Variants in OPA1 observed in about 807,000 individuals in gnomAD.
OPA1 encodes dynamin-like GTPase OPA1, mitochondrial.
A neutral mutation model predicts 152.9 loss-of-function variants in OPA1; 59 were observed. The ratio of observed to expected loss-of-function variants is 0.39; its 90% CI spans 0.31 to 0.48. The LOEUF (loss-of-function observed/expected upper bound fraction) is 0.48, where lower values mean the gene tolerates loss of function less well. Among genes scored for constraint, OPA1 ranks in the 20% least tolerant of loss-of-function variants. OPA1 has a pLI of 0.96. For synonymous variants in OPA1, 400 were observed against 389.9 expected (o/e 1.03, Z -0.31); for missense variants, 1,008 against 1,216.8 (o/e 0.83, Z 2.55).
chr3:193,680,394 C>G (rs1163474586), intron 29 of OPA1, among the ~76,000 whole-genome samples: 1 of 152,168 alleles, frequency 6.6e-6, no homozygotes, highest in East Asian at 1.9e-4. Context: ...AAGAAAGACC[C>G]TTTCCAGGAC....
intron 29 of OPA1, among the ~76,000 whole-genome samples, chr3:193,680,427 G>C (rs1719947709): frequency 6.6e-6 from 1 of 152,116 alleles, no homozygotes; most frequent in Non-Finnish European, 1.5e-5. Context: ...TTACAATCTT[G>C]ACCTCTTTCT....
chr3:193,624,167 G>A lies in OPA1; in HGVS notation c.679-1925G>A, dbSNP rs995939964. 7 of 152,238 alleles carry A rather than the reference G, an allele frequency of 4.6e-5. No homozygotes were observed. In the South Asian group the frequency reaches 8.3e-4, roughly 18 times the overall value. The allele number at this position is 152,238 out of a possible 1,614,324, so 9.4% of individuals were successfully genotyped here. A position where few individuals can be genotyped will look rare whatever the true frequency, so the allele number is the denominator to read the frequency against. On this transcript the variant is annotated intron_variant, in intron 6 of 30. Coordinates refer to ENST00000361510, the MANE Select transcript of OPA1 (RefSeq NM_130837.3). ...AAAAAGCATTGTGTGCCTTATAGAC[G>A]CGAGTGAGAAATGTGGAATATGGCT...
At chr3:193,663,812 G>A (rs1288625203) in intron 26 of OPA1, among the ~76,000 whole-genome samples, 4 of 151,948 alleles carry the variant, frequency 2.6e-5, no homozygotes, top group Non-Finnish European at 5.9e-5. Context: ...AAAACTCAAA[G>A]CAGTTATATA....
rs780616109 is a variant in OPA1 at position 193,645,811 on chromosome 3, TG to T, written c.1754+12del. The T allele has an allele frequency of 1.8e-5, 29 of 1,588,390 alleles. No homozygotes were observed. Among genetic ancestry groups the T allele is most frequent in the Non-Finnish European group, 2.4e-5 (28 of 1,157,318 alleles). ...TTCAAAGCTCCTAAAGTAGGTATCTTGTTAAAACATTTAAACATTTTACAGT... is the reference window on the plus strand; with the variant it reads ...TTCAAAGCTCCTAAAGTAGGTATCTTTTAAAACATTTAAACATTTTACAGT... On this transcript the variant is annotated intron_variant, in intron 18 of 30. Coordinates refer to ENST00000361510, the MANE Select transcript of OPA1 (RefSeq NM_130837.3).
intron 29 of OPA1, among the ~76,000 whole-genome samples, chr3:193,677,786 G>A (rs1308800069): frequency 2.0e-5 from 3 of 152,146 alleles, no homozygotes; most frequent in Non-Finnish European, 4.4e-5. Context: ...CCTATTCATG[G>A]AAATGACGAA....
At position 193,668,976 on chromosome 3, in the gene OPA1, T is replaced by C. The variant is rs78534563; in HGVS notation, c.2983+1696T>C. On this transcript the variant is annotated intron_variant, in intron 29 of 30. Coordinates refer to ENST00000361510, the MANE Select transcript of OPA1 (RefSeq NM_130837.3). ...TGTTACAAGTTTCACTGACTTCAGC[T>C]TCGTGTAACAAAGTATCTTTTTCTT... 6,190 of 517,078 alleles carry C rather than the reference T, an allele frequency of 0.012. 409 individuals are homozygous for C. The African/African-American group carries it at 0.12, about 10-fold the overall frequency. 32.0% of individuals were successfully genotyped at this position (517,078 alleles called of 1,614,324 possible). A position where few individuals can be genotyped will look rare whatever the true frequency, so the allele number is the denominator to read the frequency against.
At chr3:193,594,081 T>TG (rs1379897376) in intron 1 of OPA1, among the ~76,000 whole-genome samples, 5 of 152,220 alleles carry the variant, frequency 3.3e-5, no homozygotes, top group African/African-American at 1.2e-4. Context: ...CAATCATTGT[T>TG]GCCCTGGGGT....
At chr3:193,633,207 A>T (rs1276050662) in intron 8 of OPA1, among the ~76,000 whole-genome samples, 1 of 152,220 alleles carries the variant, frequency 6.6e-6, no homozygotes, top group Non-Finnish European at 1.5e-5. Flanking sequence ...TTAGAAATGC[A>T]CATTCTTGAC....
chr3:193,661,192 C>G (rs2109213623), intron 25 of OPA1, among the ~76,000 whole-genome samples: 1 of 152,292 alleles, frequency 6.6e-6, no homozygotes, highest in Admixed American at 6.5e-5. Context: ...GTCTGTAAGC[C>G]TAGAAGAGGA....
At chr3:193,632,931 A>T (rs1331375200) in intron 8 of OPA1, among the ~76,000 whole-genome samples, 1 of 152,332 alleles carries the variant, frequency 6.6e-6, no homozygotes, top group South Asian at 2.1e-4. Flanking sequence ...AACGACTACA[A>T]GTTGAATATC....
chr3:193,675,580 A>G (rs1301897915), intron 29 of OPA1, among the ~76,000 whole-genome samples: 2 of 151,986 alleles, frequency 1.3e-5, no homozygotes, highest in African/African-American at 4.8e-5. Context: ...CTAACCCAGT[A>G]TTTTTATCCC....
At chr3:193,659,939 A>T (rs1714835592) in intron 25 of OPA1, among the ~76,000 whole-genome samples, 2 of 152,002 alleles carry the variant, frequency 1.3e-5, no homozygotes, top group Non-Finnish European at 2.9e-5. Context: ...TGAGTTAAGG[A>T]GTTCGAGACC....
rs1335569518 is a variant in OPA1, at chr3:193,593,346, C to T, written c.-32C>T. 1.3e-6 allele frequency: 2 copies of T among 1,540,484 alleles called. No individual in the cohort carries two copies. The highest frequency in any genetic ancestry group is 1.8e-6 in the Non-Finnish European group (2 of 1,141,986). ...CACACGGGGGCTCCCGCGTGGCCGT[C>T]TCGGCGCCTGCGTGACCTCCCCGCC... On this transcript the variant is annotated 5_prime_UTR_variant, in exon 1 of 31. Transcript: ENST00000361510.
rs76837465 is a variant in OPA1 at position 193,680,446 on chromosome 3, G to T, written c.2984-11617G>T. On this transcript the variant is annotated intron_variant, in intron 29 of 30. Transcript: ENST00000361510. ...AATCTTGACCTCTTTCTTATGCTGG[G>T]AACATGCATACAGCAGCACCTCCCA... 4.5e-3 allele frequency among the ~76,000 whole-genome samples: 682 copies of T among 152,286 alleles called. 5 individuals are homozygous for T. The highest frequency in any genetic ancestry group is 0.015 in the African/African-American group (641 of 41,566).
chr3:193,615,135 T>C (rs1728820784), intron 2 of OPA1, 94 bp downstream of exon 2: 4 of 972,752 alleles, frequency 4.1e-6, no homozygotes, highest in Non-Finnish European at 4.9e-6. Context: ...TACAATTGGA[T>C]GTTTAAACAT....
intron 1 of OPA1, among the ~76,000 whole-genome samples, chr3:193,596,415 CTT>C (rs1725599972): frequency 7.9e-6 from 1 of 126,784 alleles, no homozygotes. Flanking sequence ...CTTTTCTTTT[CTT>C]TTCTTTCACA....
At chr3:193,615,085 A>G in intron 2 of OPA1, 44 bp downstream of exon 2, 4 of 1,431,356 alleles carry the variant, frequency 2.8e-6, no homozygotes, top group Non-Finnish European at 3.9e-6. Flanking sequence ...TTATATCATG[A>G]TTAAGTTTCT....
chr3:193,602,625 G>A (rs1560309833), intron 1 of OPA1, among the ~76,000 whole-genome samples: 1 of 152,246 alleles, frequency 6.6e-6, no homozygotes, highest in South Asian at 2.1e-4. Context: ...AAACCAAAAG[G>A]TAGTACCTTT....
chr3:193,658,148 G>A (rs1037569772), intron 23 of OPA1, among the ~76,000 whole-genome samples: 4 of 151,836 alleles, frequency 2.6e-5, no homozygotes, highest in African/African-American at 7.3e-5. Context: ...GGGAGGCTGA[G>A]GCAGGAGAAT....
Sources: allele counts gnomAD v4.1 joint callset (sites outside exome capture counted in the v4.1 genomes callset), GRCh38; gene constraint gnomAD v4.1.1; transcripts MANE v1.5; gene names NCBI Gene and HGNC (gene_info 2026-07-23, HGNC 2026-07-21).